VRK3: variants seen among roughly 807,000 people sequenced by gnomAD.
VRK3 encodes serine/threonine-protein kinase VRK3.
VRK3 carries 50 observed loss-of-function variants against 60.4 expected under a neutral mutation model. The observed-to-expected ratio is 0.83, with a 90% CI of 0.66 to 1.05. VRK3 has a LOEUF of 1.05. VRK3 is among the 50% of genes least tolerant of loss of function. The pLI is 0.00. For synonymous variants in VRK3, 246 were observed against 227.8 expected, an observed-to-expected ratio of 1.08 and a Z score of -0.72; for missense variants, 549 against 585.3, an observed-to-expected ratio of 0.94 and a Z score of 0.64.
intron 3 of VRK3, 111 bp from the exon 4 acceptor site, chr19:50,009,496 C>A (rs2076959419): frequency 7.9e-7 from 1 of 1,268,072 alleles, no homozygotes; most frequent in Admixed American, 2.5e-5. Context: ...CTTTGGCCCT[C>A]AACACCAATT....
chr19:49,978,324 G>A (rs1298719029), intron 14 of VRK3, among the ~76,000 whole-genome samples: 4 of 152,198 alleles, frequency 2.6e-5, no homozygotes, highest in Non-Finnish European at 4.4e-5. Context: ...GGAGAGAAAA[G>A]GAGCCTGGAG....
intron 4 of VRK3, among the ~76,000 whole-genome samples, chr19:50,008,092 C>A (rs946822728): frequency 6.6e-6 from 1 of 151,994 alleles, no homozygotes; most frequent in Non-Finnish European, 1.5e-5. Context: ...TGAGACAGGG[C>A]AGTACAGACA....
chr19:50,006,356 T>C (rs2122394813), intron 5 of VRK3, among the ~76,000 whole-genome samples: 1 of 151,158 alleles, frequency 6.6e-6, no homozygotes, highest in South Asian at 2.1e-4. Context: ...AATAACTTTT[T>C]GTTTGACATG....
chr19:49,995,022 A>T, intron 8 of VRK3, 103 bp from the exon 9 acceptor site: 1 of 1,303,064 alleles, frequency 7.7e-7, no homozygotes. Context: ...TCCTGGTCCC[A>T]GGTGAGATCA....
intron 12 of VRK3, among the ~76,000 whole-genome samples, chr19:49,982,436 C>T (rs1400446234): frequency 6.6e-6 from 1 of 152,178 alleles, no homozygotes; most frequent in African/African-American, 2.4e-5. Context: ...AGCCACCACG[C>T]CTGGCTGAGG....
intron 9 of VRK3, among the ~76,000 whole-genome samples, chr19:49,994,429 C>G (rs1226470470): frequency 6.6e-6 from 1 of 152,248 alleles, no homozygotes; most frequent in Non-Finnish European, 1.5e-5. Flanking sequence ...GCTCTCCCTT[C>G]CACACAAGCC....
intron 7 of VRK3, among the ~76,000 whole-genome samples, chr19:49,995,579 T>C (rs772425557): frequency 1.7e-4 from 26 of 151,946 alleles, no homozygotes; most frequent in Non-Finnish European, 2.9e-4. Context: ...AATTCACACA[T>C]AGAGCTAACA....
chr19:49,983,248 C>A (rs187651385), intron 12 of VRK3, among the ~76,000 whole-genome samples: 136 of 152,200 alleles, frequency 8.9e-4, no homozygotes, highest in African/African-American at 3.2e-3. Flanking sequence ...GCCCACGAGG[C>A]CACACATCCA....
At chr19:50,001,136 A>C in intron 5 of VRK3, 1 of 373,162 alleles carries the variant, frequency 2.7e-6, no homozygotes, top group Admixed American at 4.4e-5. Flanking sequence ...GGCTCCCAGA[A>C]TCCCCTAAGT....
At chr19:49,984,826 C>G (rs558751943) in intron 12 of VRK3, among the ~76,000 whole-genome samples, 3 of 152,058 alleles carry the variant, frequency 2.0e-5, no homozygotes, top group South Asian at 2.1e-4. Flanking sequence ...GGTCTCACCA[C>G]GTTGCCCAGG....
At chr19:50,023,734 G>GT (rs896029831) in intron 1 of VRK3, among the ~76,000 whole-genome samples, 1 of 146,730 alleles carries the variant, frequency 6.8e-6, no homozygotes, top group African/African-American at 2.6e-5. Context: ...TGCCAAGAAG[G>GT]TGGGTGGGGG....
intron 5 of VRK3, among the ~76,000 whole-genome samples, chr19:50,003,292 G>A (rs2076839466): frequency 6.6e-6 from 1 of 152,202 alleles, no homozygotes; most frequent in Non-Finnish European, 1.5e-5. Flanking sequence ...TTGGACTTCT[G>A]GCCTCCAGAG....
At chr19:50,024,443 C>G (rs962991394) in intron 1 of VRK3, among the ~76,000 whole-genome samples, 1 of 152,180 alleles carries the variant, frequency 6.6e-6, no homozygotes, top group African/African-American at 2.4e-5. Flanking sequence ...AGAAAAAGAC[C>G]TTTCAGTTTT....
In VRK3 at chr19:49,982,829, T is replaced by C. The variant is rs1486718478; in HGVS notation, c.1218-1816A>G. On this transcript the variant is annotated intron_variant, in intron 12 of 14. Transcript: ENST00000316763. ...CCGTTTGTTCAGGAAAAATCCTGAT[T>C]TGCCCACTGCCTTTGCTCCATCCTC... 2.6e-5 allele frequency among the ~76,000 whole-genome samples: 4 copies of C among 152,194 alleles called. No homozygotes were observed. In the East Asian group the frequency reaches 7.7e-4, roughly 29 times the overall value.
chr19:49,993,936 C>T (rs1007429067), intron 9 of VRK3, among the ~76,000 whole-genome samples: 1 of 152,074 alleles, frequency 6.6e-6, no homozygotes, highest in Non-Finnish European at 1.5e-5. Context: ...CTTTCTGTAC[C>T]CAGAGCTGAC....
intron 2 of VRK3, among the ~76,000 whole-genome samples, chr19:50,016,392 G>A (rs1378282317): frequency 1.3e-5 from 2 of 152,200 alleles, no homozygotes; most frequent in Non-Finnish European, 2.9e-5. Flanking sequence ...TTGCAGCAAG[G>A]TAGAGGCCAC....
intron 8 of VRK3, 32 bp downstream of exon 8, chr19:49,995,159 C>A (rs149272924): frequency 1.2e-6 from 2 of 1,607,892 alleles, no homozygotes; most frequent in East Asian, 4.5e-5. Flanking sequence ...GGAAAGAGGC[C>A]GGTGAGGCAA....
At chr19:49,988,888 A>G (rs2076563159) in intron 11 of VRK3, among the ~76,000 whole-genome samples, 1 of 152,190 alleles carries the variant, frequency 6.6e-6, no homozygotes, top group African/African-American at 2.4e-5. Context: ...GTGACAAAGG[A>G]CACAGAACAC....
intron 7 of VRK3, 78 bp from the exon 8 acceptor site, chr19:49,995,353 A>C (rs936107269): frequency 7.7e-6 from 10 of 1,304,986 alleles, no homozygotes; most frequent in East Asian, 2.3e-5. Flanking sequence ...CTCAGAGAAG[A>C]AGCACAGAGT....
Sources: allele counts gnomAD v4.1 joint callset (sites outside exome capture counted in the v4.1 genomes callset), GRCh38; gene constraint gnomAD v4.1.1; transcripts MANE v1.5; gene names NCBI Gene and HGNC (gene_info 2026-07-23, HGNC 2026-07-21).